The following LCN9 variants were observed in gnomAD, a reference collection of about 807,000 sequenced individuals.
LCN9 encodes epididymal-specific lipocalin-9.
LCN9 carries 22 observed loss-of-function variants against 18.5 expected under a neutral mutation model. That is an observed-to-expected ratio of 1.19 (90% CI 0.85 to 1.70). LCN9 has a LOEUF of 1.70. Among genes scored for constraint, LCN9 ranks in the 40% most tolerant of loss-of-function variants. The pLI is 0.00. For missense variants in LCN9, 202 were observed against 201.3 expected, an observed-to-expected ratio of 1.00 and a Z score of -0.02; for synonymous variants, 89 against 83.0, an observed-to-expected ratio of 1.07 and a Z score of -0.39.
At chr9:135,663,539 C>T in intron 1 of LCN9, 122 bp downstream of exon 1, 2 of 751,148 alleles carry the variant, frequency 2.7e-6, no homozygotes, top group Admixed American at 2.2e-5. Flanking sequence ...CCTCTCCTCC[C>T]CAAGCTGTGA....
In LCN9 at chr9:135,665,732, T is replaced by A. The variant is rs780012763; in HGVS notation, c.463T>A (p.Ser155Thr). 1 of 1,613,534 alleles carries A rather than the reference T, an allele frequency of 6.2e-7. No individual in the cohort carries two copies. Among genetic ancestry groups the A allele is most frequent in the East Asian group, 2.2e-5 (1 of 44,864 alleles). ...AAGTACGGACTTGGCTCACAAAATA[T>A]CATCGACTTGACCAACAAAGGTCAG... The change falls in exon 5 of 6, where the codon TCA becomes ACA. Residue 155 changes from serine to threonine, a missense_variant. By Grantham distance (58) the Ser-to-Thr change is moderately conservative. Transcript: ENST00000619315. This position sits in a 1 kb window ranked among gnomAD's most constrained non-coding sequence, Gnocchi z 5.9.
At chr9:135,663,769 A>G (rs564470331) in intron 1 of LCN9, among the ~76,000 whole-genome samples, 14 of 129,986 alleles carry the variant, frequency 1.1e-4, no homozygotes, top group African/African-American at 4.1e-4. Flanking sequence ...TCAGTGGGAA[A>G]GGGTGGAGCG....
intron 1 of LCN9, 87 bp downstream of exon 1, chr9:135,663,504 G>GTTGCCCT: frequency 8.1e-7 from 1 of 1,242,030 alleles, no homozygotes; most frequent in Non-Finnish European, 1.2e-6. Flanking sequence ...CCTGTGACCA[G>GTTGCCCT]GGCAACTGGT....
At chr9:135,666,379 A>T in exon 6 of LCN9, 1 of 476,984 alleles carries the variant, frequency 2.1e-6, no homozygotes, top group South Asian at 2.8e-5. Flanking sequence ...TTCTAAGGAC[A>T]CTTGTCATTG....
rs1323912895 is a variant in LCN9, at chr9:135,664,227, A to G, written c.162A>G (p.Gly54=). The change falls in exon 2 of 6, where the codon GGA becomes GGG. Residue 54 remains glycine (G), a synonymous_variant. Coordinates refer to ENST00000619315, the Ensembl canonical transcript of LCN9. The surrounding 1 kb of genome is among the most constrained non-coding windows in gnomAD (Gnocchi z 4.5). Reference sequence around the variant, plus strand: ...ACCTGAATCGGATTAAAGAAAATGGAGACCTGAGGGTCTTCGTCCGGAATA... The same window carrying G: ...ACCTGAATCGGATTAAAGAAAATGGGGACCTGAGGGTCTTCGTCCGGAATA... 6.2e-7 allele frequency: 1 copy of G among 1,613,672 alleles called. No individual in the cohort carries two copies. Among genetic ancestry groups the G allele is most frequent in the Non-Finnish European group, 8.5e-7 (1 of 1,179,742 alleles).
In LCN9 at chr9:135,664,002, T is replaced by G. The variant is rs1295774252; in HGVS notation, c.97-160T>G. On this transcript the variant is annotated intron_variant, in intron 1 of 5. Transcript: ENST00000619315. The surrounding 1 kb of genome is among the most constrained non-coding windows in gnomAD (Gnocchi z 4.5). Reference sequence around the variant, plus strand: ...GGCGACCTTGGGGGTAAAGGGGGGATCTGGTGACGAGGGGAGACCTGGGGG... The same window carrying G: ...GGCGACCTTGGGGGTAAAGGGGGGAGCTGGTGACGAGGGGAGACCTGGGGG... 4.0e-5 allele frequency among the ~76,000 whole-genome samples: 4 copies of G among 98,832 alleles called. No individual in the cohort carries two copies. The highest frequency in any genetic ancestry group is 8.3e-5 in the Non-Finnish European group (4 of 48,416). The allele number at this position is 98,832 out of a possible 152,430, so 64.8% of individuals were successfully genotyped here. A position where few individuals can be genotyped will look rare whatever the true frequency, so the allele number is the denominator to read the frequency against.
chr9:135,664,099 G>T lies in LCN9; in HGVS notation c.97-63G>T. The T allele has an allele frequency of 1.9e-6, 3 of 1,581,676 alleles. No individual in the cohort carries two copies. The highest frequency in any genetic ancestry group is 2.6e-6 in the Non-Finnish European group (3 of 1,160,806). Reference sequence around the variant, plus strand: ...GCCGGGCCCTGGGAGGGAAGACTGTGGGCGCTAAGCATCCCCAGGGCTGTC... The same window carrying T: ...GCCGGGCCCTGGGAGGGAAGACTGTTGGCGCTAAGCATCCCCAGGGCTGTC... On this transcript the variant is annotated intron_variant, in intron 1 of 5. Coordinates refer to ENST00000619315, the Ensembl canonical transcript of LCN9. The surrounding 1 kb of genome is among the most constrained non-coding windows in gnomAD (Gnocchi z 4.5).
In LCN9 at chr9:135,664,679, G is replaced by T; in HGVS notation, c.234-43G>T. On this transcript the variant is annotated intron_variant, in intron 2 of 5. Coordinates refer to ENST00000619315, the Ensembl canonical transcript of LCN9. The surrounding 1 kb of genome is among the most constrained non-coding windows in gnomAD (Gnocchi z 4.5). ...TGCTCTCTGCCATCGCACGTCCAGG[G>T]GGCTGGAGCTCCACTCCCGGCATCT... 6.6e-7 allele frequency: 1 copy of T among 1,524,140 alleles called. No homozygotes were observed. The highest frequency in any genetic ancestry group is 8.8e-7 in the Non-Finnish European group (1 of 1,130,988). 94.4% of individuals were successfully genotyped at this position (1,524,140 alleles called of 1,614,324 possible).
At chr9:135,666,053 G>A (rs774686843) in exon 6 of LCN9, 2 of 1,599,598 alleles carry the variant, frequency 1.3e-6, no homozygotes, top group Non-Finnish European at 1.7e-6. Flanking sequence ...GAAAGATGCT[G>A]TGAAAAGCAT....
At position 135,664,026 on chromosome 9, in the gene LCN9, G is replaced by A. The variant is rs1389483290; in HGVS notation, c.97-136G>A. On this transcript the variant is annotated intron_variant, in intron 1 of 5. Coordinates refer to ENST00000619315, the Ensembl canonical transcript of LCN9. This position sits in a 1 kb window ranked among gnomAD's most constrained non-coding sequence, Gnocchi z 4.5. Reference sequence around the variant, plus strand: ...ATCTGGTGACGAGGGGAGACCTGGGGGCACTGGAAGGGCGGAGGGGTTCTG... The same window carrying A: ...ATCTGGTGACGAGGGGAGACCTGGGAGCACTGGAAGGGCGGAGGGGTTCTG... 1.2e-6 allele frequency: 1 copy of A among 860,360 alleles called. No homozygotes were observed. Among genetic ancestry groups the A allele is most frequent in the South Asian group, 1.8e-5 (1 of 56,448 alleles). The allele number at this position is 860,360 out of a possible 1,614,324, so 53.3% of individuals were successfully genotyped here.
In LCN9 at chr9:135,665,155, C is replaced by A. The variant is rs921550742; in HGVS notation, c.308-90C>A. ...CCTCCCGCCTCAAAAGGCCACTTGA[C>A]CCCCCATCCTCACTTGCGGCCACAC... On this transcript the variant is annotated intron_variant, in intron 3 of 5. Coordinates refer to ENST00000619315, the Ensembl canonical transcript of LCN9. The surrounding 1 kb of genome is among the most constrained non-coding windows in gnomAD (Gnocchi z 5.9). The A allele has an allele frequency of 3.3e-6, 3 of 906,168 alleles. No homozygotes were observed. Among genetic ancestry groups the A allele is most frequent in the Non-Finnish European group, 3.5e-6 (2 of 568,300 alleles). The allele number at this position is 906,168 out of a possible 1,614,324, so 56.1% of individuals were successfully genotyped here.
At chr9:135,663,536 TC>T in intron 1 of LCN9, 119 bp downstream of exon 1, 1 of 509,960 alleles carries the variant, frequency 2.0e-6, no homozygotes, top group South Asian at 1.8e-5. Flanking sequence ...CCACCTCTCC[TC>T]CCCAAGCTGT....
At position 135,665,573 on chromosome 9, in the gene LCN9, GA is replaced by G; in HGVS notation, c.419-114del. ...CAAAGCCCCTCTCTGGTCAGGGCGT[GA>G]CCCCCTGCCCAGCCTCAGCACTTCC... On this transcript the variant is annotated intron_variant, in intron 4 of 5. Coordinates refer to ENST00000619315, the Ensembl canonical transcript of LCN9. This position sits in a 1 kb window ranked among gnomAD's most constrained non-coding sequence, Gnocchi z 5.9. 9.5e-7 allele frequency: 1 copy of G among 1,052,814 alleles called. No homozygotes were observed. Among genetic ancestry groups the G allele is most frequent in the South Asian group, 1.5e-5 (1 of 68,592 alleles). The allele number at this position is 1,052,814 out of a possible 1,614,324, so 65.2% of individuals were successfully genotyped here.
chr9:135,664,778 G>T lies in LCN9; in HGVS notation c.290G>T (p.Gly97Val). Residue 97 changes from glycine (G) to valine (V), a missense_variant, in exon 3 of 6, where the codon GGG (glycine) becomes GTG (valine). Gly to Val is a moderately radical substitution (Grantham distance 109, BLOSUM62 -3). Transcript: ENST00000619315. This position sits in a 1 kb window ranked among gnomAD's most constrained non-coding sequence, Gnocchi z 4.5. ...GTCTGCGAGAAGACAGAGAAGAATG[G>T]GGAATACTCCATCAACTGTAAGTGG... The T allele has an allele frequency of 6.3e-7, 1 of 1,594,148 alleles. No individual in the cohort carries two copies. Among genetic ancestry groups the T allele is most frequent in the African/African-American group, 1.3e-5 (1 of 74,578 alleles).
Position 135,663,429 on chromosome 9 carries a change from T to C in LCN9, c.96+12T>C. 1 of 1,611,936 alleles carries C rather than the reference T, an allele frequency of 6.2e-7. No homozygotes were observed. Among genetic ancestry groups the C allele is most frequent in the African/African-American group, 1.3e-5 (1 of 74,968 alleles). On this transcript the variant is annotated intron_variant, in intron 1 of 5. Coordinates refer to ENST00000619315, the Ensembl canonical transcript of LCN9. ...ACAACGTGGCCAGGGTGTGTCTGCG[T>C]TGGGGTCTGTGGGGAAGGGGCCAGG...
Position 135,664,151 on chromosome 9 carries a change from T to A in LCN9, c.97-11T>A, listed in dbSNP as rs780586414. 3 of 1,610,648 alleles carry A rather than the reference T, an allele frequency of 1.9e-6. No individual in the cohort carries two copies. Among genetic ancestry groups the A allele is most frequent in the Non-Finnish European group, 2.5e-6 (3 of 1,177,720 alleles). ...CGCGGCCCCCCACCCACTGGAGCTC[T>A]TTGTCTTCAGGTTTCAGGGGTCTGG... is the stretch of plus-strand genomic sequence containing the variant. On this transcript the variant is annotated splice_polypyrimidine_tract_variant and intron_variant, in intron 1 of 5. Coordinates refer to ENST00000619315, the Ensembl canonical transcript of LCN9. The surrounding 1 kb of genome is among the most constrained non-coding windows in gnomAD (Gnocchi z 4.5).
Position 135,664,403 on chromosome 9 carries a change from C to A in LCN9, c.233+105C>A. The stretch of plus-strand genomic sequence containing the variant: ...ACACGCTCGCACACTCACTGACTTG[C>A]ACTCTGGTGAGAGCCTGAGCCTGTG... On this transcript the variant is annotated intron_variant, in intron 2 of 5. Coordinates refer to ENST00000619315, the Ensembl canonical transcript of LCN9. The surrounding 1 kb of genome is among the most constrained non-coding windows in gnomAD (Gnocchi z 4.5). The A allele has an allele frequency of 7.0e-7, 1 of 1,433,712 alleles. No homozygotes were observed. Among genetic ancestry groups the A allele is most frequent in the Non-Finnish European group, 9.6e-7 (1 of 1,036,478 alleles). 88.8% of individuals were successfully genotyped at this position (1,433,712 alleles called of 1,614,324 possible). A position where few individuals can be genotyped will look rare whatever the true frequency, so the allele number is the denominator to read the frequency against.
rs1411438398 is a variant in LCN9, at chr9:135,664,999, A to G, written c.307+204A>G. Among the ~76,000 whole-genome samples, 2 of 151,956 alleles carry G rather than the reference A, an allele frequency of 1.3e-5. 1 individual carries two copies. The highest frequency in any genetic ancestry group is 2.9e-5 in the Non-Finnish European group (2 of 67,982). On this transcript the variant is annotated intron_variant, in intron 3 of 5. Coordinates refer to ENST00000619315, the Ensembl canonical transcript of LCN9. The surrounding 1 kb of genome is among the most constrained non-coding windows in gnomAD (Gnocchi z 4.5). ...GCAGGGAGGCAGGTGTGTCATGCTG[A>G]GCTCTGGGGGGTGAGCCCACTGAGG...
rs1834149950 is a variant in LCN9 at position 135,663,352 on chromosome 9, AGCCTCATC to A, written c.34_41del (p.Leu12SerfsTer32). 6.2e-7 allele frequency: 1 copy of A among 1,613,872 alleles called. No individual in the cohort carries two copies. Among genetic ancestry groups the A allele is most frequent in the East Asian group, 2.2e-5 (1 of 44,858 alleles). On this transcript the variant is annotated frameshift_variant, in exon 1 of 6. Transcript: ENST00000619315. LOFTEE classifies it high-confidence loss of function. The stretch of plus-strand genomic sequence containing the variant: ...TCTGCTTCTGCTGAGCCTGGGGCTG[AGCCTCATC>A]GCAGCCCAGGAGTTCGATCCCCACA...
Sources: gnomAD v4.1 joint callset for allele counts (sites outside exome capture counted in the v4.1 genomes callset) on GRCh38, gnomAD v4.1.1 for gene constraint, Gnocchi (gnomAD v3.1) non-coding constraint, MANE v1.5 for transcripts, NCBI Gene and HGNC (gene_info 2026-07-23, HGNC 2026-07-21) for gene names.